Variants in PARP10 observed in about 807,000 individuals in gnomAD.
The protein encoded by PARP10 is poly(ADP-ribose) polymerase family member 10, also known as protein mono-ADP-ribosyltransferase PARP10.
Under a neutral mutation model 82.4 loss-of-function variants are expected in PARP10, and 56 were observed. That is an observed-to-expected ratio of 0.68 (90% CI 0.55 to 0.85). The LOEUF is 0.85. Ranked by LOEUF, PARP10 falls within the 40% of genes least tolerant of loss-of-function variation. The probability of loss-of-function intolerance (pLI) is 0.00; values close to 1 mark genes in which losing one functional copy is unlikely to be tolerated. For missense variants in PARP10, 1,227 were observed against 1,379.4 expected (o/e 0.89, Z 1.75); for synonymous variants, 576 against 601.1 (o/e 0.96, Z 0.61).
chr8:144,002,221 T>C (rs1437332276), intron 1 of PARP10, among the ~76,000 whole-genome samples: 3 of 152,172 alleles, frequency 2.0e-5, no homozygotes, highest in African/African-American at 4.8e-5. Flanking sequence ...GTAAATCTCA[T>C]ACCAATTGAT....
intron 1 of PARP10, among the ~76,000 whole-genome samples, chr8:144,007,849 G>A (rs988866651): frequency 6.6e-6 from 1 of 152,194 alleles, no homozygotes; most frequent in African/African-American, 2.4e-5. Context: ...ACTTGACATG[G>A]CCATGACTCA....
At chr8:144,006,981 T>C (rs1554752122) in intron 1 of PARP10, among the ~76,000 whole-genome samples, 1 of 152,182 alleles carries the variant, frequency 6.6e-6, no homozygotes, top group Admixed American at 6.5e-5. Flanking sequence ...ATTCCACCCT[T>C]CCTGGTCTTT....
At chr8:144,002,452 C>T (rs1554751752) in intron 1 of PARP10, among the ~76,000 whole-genome samples, 2 of 152,052 alleles carry the variant, frequency 1.3e-5, no homozygotes, top group East Asian at 3.9e-4. Context: ...AGTAAAAGAA[C>T]AGGAATACAC....
rs1554749336 is a variant in PARP10 at position 143,986,178 on chromosome 8, G to T, written c.58C>A (p.Pro20Thr). The T allele has an allele frequency of 6.2e-7, 1 of 1,613,904 alleles. No individual in the cohort carries two copies. Among genetic ancestry groups the T allele is most frequent in the South Asian group, 1.1e-5 (1 of 91,082 alleles). The change falls in exon 2 of 11, where the codon CCT (proline) becomes ACT (threonine). Residue 20 changes from proline to threonine, a missense_variant. Coordinates refer to ENST00000313028, the MANE Select transcript of PARP10 (RefSeq NM_032789.5). ...GVAVEVRGLPPAVPDELLTLY... is the reference protein window; with the variant it reads ...GVAVEVRGLPTAVPDELLTLY... ...GTGAGCAGCTCGTCGGGCACGGCAG[G>T]GGGCAGTCCACGGACCTCCACTGCC...
Position 143,984,400 on chromosome 8 carries a change from G to T in PARP10, c.1490C>A (p.Ala497Asp). The T allele has an allele frequency of 6.2e-7, 1 of 1,611,470 alleles. No homozygotes were observed. Residue 497 changes from alanine to aspartate, a missense_variant, in exon 6 of 11, where the codon GCT becomes GAT. Transcript: ENST00000313028. ...LCGAQASCQA[A>D]EEFLRSLLGS... Reference sequence around the variant, plus strand: ...CAGCAGGCTCCGCAGAAACTCCTCAGCCGCCTGGCAGGAAGCCTGGGCTCC... The same window carrying T: ...CAGCAGGCTCCGCAGAAACTCCTCATCCGCCTGGCAGGAAGCCTGGGCTCC...
At chr8:144,007,654 A>C (rs1834244124) in intron 1 of PARP10, among the ~76,000 whole-genome samples, 1 of 152,098 alleles carries the variant, frequency 6.6e-6, no homozygotes, top group Non-Finnish European at 1.5e-5. Flanking sequence ...GGCAGAGCCT[A>C]GCTCCAATGG....
At chr8:143,993,104 A>G, upstream of PARP10, 2 of 460,758 alleles carry the variant, frequency 4.3e-6, no homozygotes, top group Admixed American at 3.8e-5. Flanking sequence ...CTGTCTACTC[A>G]TTGTTGCATG....
At chr8:143,989,206 C>CCCGGG (rs1834049324), upstream of PARP10, among the ~76,000 whole-genome samples, 1 of 152,224 alleles carries the variant, frequency 6.6e-6, no homozygotes, top group South Asian at 2.1e-4. This position sits in a 1 kb window ranked among gnomAD's most constrained non-coding sequence, Gnocchi z 4.3. Context: ...GGTGGGAAGG[C>CCCGGG]TGGCAGCAGG....
At chr8:143,989,111 C>A (rs528538802), upstream of PARP10, 3 of 152,476 alleles carry the variant, frequency 2.0e-5, no homozygotes, top group Admixed American at 6.5e-5. This position sits in a 1 kb window ranked among gnomAD's most constrained non-coding sequence, Gnocchi z 4.3. Context: ...AACACTGCGC[C>A]AGCGCACCAT....
Position 143,977,481 on chromosome 8 carries a change from C to A in PARP10, c.*3G>T. On this transcript the variant is annotated 3_prime_UTR_variant, in exon 11 of 11. Coordinates refer to ENST00000313028, the MANE Select transcript of PARP10 (RefSeq NM_032789.5). ...GCAGGAGGCCAGAGGGTGGCCCCTT[C>A]GGTTAAGTGTCTGGGGAGCGGCCCG... 1 of 1,539,394 alleles carries A rather than the reference C, an allele frequency of 6.5e-7. No individual in the cohort carries two copies. Among genetic ancestry groups the A allele is most frequent in the Non-Finnish European group, 8.8e-7 (1 of 1,140,612 alleles).
At position 143,986,046 on chromosome 8, in the gene PARP10, C is replaced by A. The variant is rs782556265; in HGVS notation, c.181+9G>T. On this transcript the variant is annotated intron_variant, in intron 2 of 10. Transcript: ENST00000313028. The stretch of plus-strand genomic sequence containing the variant: ...GCACCCAGGCTGTCCCTTCAGCCAG[C>A]CCTCTCACCTGCAGGCTCTCTGAAG... 2.4e-5 allele frequency: 38 copies of A among 1,611,448 alleles called. 1 individual carries two copies. The African/African-American group carries it at 3.6e-4, about 15-fold the overall frequency.
intron 10 of PARP10, 24 bp downstream of exon 10, chr8:143,977,883 G>T (rs374424555): frequency 3.1e-6 from 5 of 1,599,050 alleles, no homozygotes; most frequent in Non-Finnish European, 2.5e-6. Context: ...CAGAGCCCCC[G>T]CCCCTGCCCG....
At chr8:143,988,149 CTT>C (rs370583415), upstream of PARP10, among the ~76,000 whole-genome samples, 12 of 91,680 alleles carry the variant, frequency 1.3e-4, no homozygotes, top group Non-Finnish European at 1.9e-4. Context: ...CTTACTCTGC[CTT>C]TTTTTTTTTT....
At chr8:144,000,915 T>G (rs1554751659) in intron 1 of PARP10, among the ~76,000 whole-genome samples, 5 of 144,024 alleles carry the variant, frequency 3.5e-5, no homozygotes, top group East Asian at 2.0e-4. Flanking sequence ...TGTGTTTTTT[T>G]TTTTTTTTTT....
In PARP10 at chr8:143,985,876, TG is replaced by T. The variant is rs1554749215; in HGVS notation, c.280del (p.Gln94LysfsTer148). The T allele has an allele frequency of 6.2e-7, 1 of 1,603,086 alleles. No individual in the cohort carries two copies. The highest frequency in any genetic ancestry group is 1.1e-5 in the South Asian group (1 of 90,396). ...PPRAPARLLL[Q>X]GLPPGTTPQR... ...GGGCGTGGTGCCAGGGGGCAGTCCT[TG>T]GAGCAGCAGGCGTGCAGGGGCTCGT... On this transcript the variant is annotated frameshift_variant, in exon 3 of 11. Coordinates refer to ENST00000313028, the MANE Select transcript of PARP10 (RefSeq NM_032789.5). LOFTEE classifies it high-confidence loss of function.
chr8:143,999,395 G>A (rs1444719210), intron 1 of PARP10, among the ~76,000 whole-genome samples: 2 of 152,078 alleles, frequency 1.3e-5, no homozygotes, highest in Non-Finnish European at 2.9e-5. Flanking sequence ...GTAAAGATGG[G>A]GTTTCACCAT....
Position 143,985,906 on chromosome 8 carries a change from G to A in PARP10, c.251C>T (p.Pro84Leu). 1.3e-6 allele frequency: 2 copies of A among 1,581,810 alleles called. No individual in the cohort carries two copies. The highest frequency in any genetic ancestry group is 1.1e-5 in the South Asian group (1 of 88,074). Reference protein sequence around the residue: ...HGAQLSLRPAPPRAPARLLLQ... With the variant: ...HGAQLSLRPALPRAPARLLLQ... ...CAGCAGGCGTGCAGGGGCTCGTGGT[G>A]GAGCTGGCCGCAGGCTCAGCTGGGC... The change falls in exon 3 of 11, where the codon CCA becomes CTA. Residue 84 changes from proline to leucine, a missense_variant. Physicochemically the swap from Pro to Leu is moderately conservative, Grantham distance 98 (BLOSUM62 -3). Transcript: ENST00000313028.
rs1176411694 is a variant in PARP10, at chr8:143,977,212, C to G, written c.*272G>C. 2 of 506,576 alleles carry G rather than the reference C, an allele frequency of 3.9e-6. No individual in the cohort carries two copies. The highest frequency in any genetic ancestry group is 6.9e-6 in the Non-Finnish European group (2 of 289,538). 31.4% of individuals were successfully genotyped at this position (506,576 alleles called of 1,614,324 possible). A position where few individuals can be genotyped will look rare whatever the true frequency, so the allele number is the denominator to read the frequency against. On this transcript the variant is annotated 3_prime_UTR_variant, in exon 11 of 11. Transcript: ENST00000313028. ...TTCACGTTTATTCAAACAACAGAGC[C>G]GACTCGGGCGAGGTCTGGGAGCGGC... is the stretch of plus-strand genomic sequence containing the variant.
chr8:144,006,651 C>G (rs1441099707), intron 1 of PARP10, among the ~76,000 whole-genome samples: 5 of 152,172 alleles, frequency 3.3e-5, no homozygotes, highest in African/African-American at 1.2e-4. Context: ...GTGTTAAAAT[C>G]CTAATCCCCA....
Sources: gnomAD v4.1 joint callset for allele counts (sites outside exome capture counted in the v4.1 genomes callset) on GRCh38, gnomAD v4.1.1 for gene constraint, Gnocchi (gnomAD v3.1) non-coding constraint, MANE v1.5 for transcripts, NCBI Gene and HGNC (gene_info 2026-07-23, HGNC 2026-07-21) for gene names.